NCOR2: variants seen among roughly 807,000 people sequenced by gnomAD.
The protein encoded by NCOR2 is nuclear receptor corepressor 2.
NCOR2 carries 81 observed loss-of-function variants against 262.9 expected under a neutral mutation model. That is an observed-to-expected ratio of 0.31 (90% CI 0.26 to 0.37). The LOEUF (loss-of-function observed/expected upper bound fraction) is 0.37, where lower values mean the gene tolerates loss of function less well. Among genes scored for constraint, NCOR2 ranks in the 10% least tolerant of loss-of-function variants. NCOR2 has a pLI of 1.00. For synonymous variants in NCOR2, 1,659 were observed against 1,559.3 expected (o/e 1.06, Z -1.51); for missense variants, 3,385 against 3,621.4 (o/e 0.93, Z 1.68).
chr12:124,550,358 C>T (rs565485929), intron 1 of NCOR2, among the ~76,000 whole-genome samples: 1 of 152,254 alleles, frequency 6.6e-6, no homozygotes, highest in African/African-American at 2.4e-5. Context: ...GGACCTGAAC[C>T]CAGGTCCCAC....
At chr12:124,480,324 AG>A (rs939167010) in intron 3 of NCOR2, among the ~76,000 whole-genome samples, 2 of 152,172 alleles carry the variant, frequency 1.3e-5, no homozygotes, top group African/African-American at 4.8e-5. Context: ...GGCTACAACA[AG>A]GATTAGGATG....
rs935286975 is a variant in NCOR2 at position 124,503,058 on chromosome 12, C to G, written c.-117-7690G>C. On this transcript the variant is annotated intron_variant, in intron 1 of 46. Transcript: ENST00000404621. The surrounding 1 kb of genome is among the most constrained non-coding windows in gnomAD (Gnocchi z 4.3). ...TGCCGGAGGGGCTGAGGGTCAAATA[C>G]TAAGAGCTCAATCCCGGGTGCCACC... is the stretch of plus-strand genomic sequence containing the variant. Among the ~76,000 whole-genome samples the G allele has an allele frequency of 1.3e-5, 2 of 152,234 alleles. No homozygotes were observed. Among genetic ancestry groups the G allele is most frequent in the African/African-American group, 4.8e-5 (2 of 41,460 alleles).
chr12:124,463,631 G>A (rs2046286844), intron 5 of NCOR2, among the ~76,000 whole-genome samples: 1 of 152,250 alleles, frequency 6.6e-6, no homozygotes, highest in Non-Finnish European at 1.5e-5. Context: ...TTTTCCGGCT[G>A]GCTCGAAAAA....
Position 124,389,650 on chromosome 12 carries a change from G to A in NCOR2, c.1877-3763C>T, listed in dbSNP as rs2041135186. 6.6e-6 allele frequency among the ~76,000 whole-genome samples: 1 copy of A among 152,036 alleles called. No homozygotes were observed. Among genetic ancestry groups the A allele is most frequent in the African/African-American group, 2.4e-5 (1 of 41,376 alleles). ...GCCGAGGCTGACCGAGCCCTCTGTC[G>A]GGGACTGTGGGTGGGCAGGGCTAGC... On this transcript the variant is annotated intron_variant, in intron 16 of 46. Coordinates refer to ENST00000405201, the Ensembl canonical transcript of NCOR2. This position sits in a 1 kb window ranked among gnomAD's most constrained non-coding sequence, Gnocchi z 4.4.
intron 1 of NCOR2, among the ~76,000 whole-genome samples, chr12:124,526,269 C>A (rs2050463187): frequency 6.6e-6 from 1 of 152,142 alleles, no homozygotes; most frequent in Admixed American, 6.5e-5. Flanking sequence ...CAGGGAGAGC[C>A]CCAAACCCCG....
intron 8 of NCOR2, among the ~76,000 whole-genome samples, chr12:124,434,717 A>C (rs1480980921): frequency 1.3e-5 from 2 of 152,188 alleles, no homozygotes; most frequent in African/African-American, 4.8e-5. Context: ...CAGTCATTTT[A>C]GGTGAAAATG....
Position 124,343,274 on chromosome 12 carries a change from A to G in NCOR2, c.4715-48T>C, listed in dbSNP as rs772255196. The G allele has an allele frequency of 4.5e-6, 7 of 1,544,986 alleles. No individual in the cohort carries two copies. In the Admixed American group the frequency reaches 7.6e-5, roughly 17 times the overall value. ...CATCGGGCCTCTGGGGCTGGCATTT[A>G]CGGGGAGTTGTTTGAGGATAGGGAC... On this transcript the variant is annotated intron_variant, in intron 32 of 46. Coordinates refer to ENST00000405201, the Ensembl canonical transcript of NCOR2.
rs1566066757 is a variant in NCOR2, at chr12:124,566,841, C to T, written c.-165+467G>A. Reference sequence around the variant, plus strand: ...CGGCTGGTGAGAGACCCTCATGCGCCCCTCCACAACAGCCAGGCCAGGGAG... The same window carrying T: ...CGGCTGGTGAGAGACCCTCATGCGCTCCTCCACAACAGCCAGGCCAGGGAG... On this transcript the variant is annotated intron_variant, in intron 1 of 32. Coordinates refer to the NCOR2 transcript ENST00000458234. This position sits in a 1 kb window ranked among gnomAD's most constrained non-coding sequence, Gnocchi z 4.3. 6.6e-6 allele frequency among the ~76,000 whole-genome samples: 1 copy of T among 152,196 alleles called. No homozygotes were observed.
chr12:124,349,907 G>A (rs1055235517), intron 28 of NCOR2, among the ~76,000 whole-genome samples: 2 of 152,192 alleles, frequency 1.3e-5, no homozygotes, highest in African/African-American at 4.8e-5. Context: ...CTCTGTGGCA[G>A]CAGGGAGTGC....
intron 2 of NCOR2, among the ~76,000 whole-genome samples, chr12:124,484,905 G>C (rs2047693754): frequency 6.6e-6 from 1 of 152,214 alleles, no homozygotes; most frequent in African/African-American, 2.4e-5. Context: ...AGTGCCTGTA[G>C]ACTGACTGAA....
At chr12:124,430,925 G>A (rs756192757) in intron 8 of NCOR2, 138 bp from the exon 11 acceptor site, 11 of 980,452 alleles carry the variant, frequency 1.1e-5, no homozygotes, top group Non-Finnish European at 1.6e-5. Context: ...CACATATACA[G>A]TCAGATACAG....
intron 7 of NCOR2, among the ~76,000 whole-genome samples, chr12:124,442,869 C>G (rs1454855075): frequency 3.3e-5 from 5 of 152,120 alleles, no homozygotes; most frequent in Non-Finnish European, 5.9e-5. Context: ...GAAATTTGGA[C>G]AAAAAGACAG....
At chr12:124,506,506 T>C (rs2049047040) in intron 1 of NCOR2, among the ~76,000 whole-genome samples, 1 of 151,650 alleles carries the variant, frequency 6.6e-6, no homozygotes, top group Non-Finnish European at 1.5e-5. Context: ...CCATTTAATT[T>C]TAAAAGGAAG....
At position 124,559,438 on chromosome 12, in the gene NCOR2, G is replaced by A. The variant is rs76001506; in HGVS notation, c.-165+7870C>T. Reference sequence around the variant, plus strand: ...TCTTTCACCATCCAAGTCACTCACCGTCATCTTCCCAAGTCGGACCCCAAA... The same window carrying A: ...TCTTTCACCATCCAAGTCACTCACCATCATCTTCCCAAGTCGGACCCCAAA... On this transcript the variant is annotated intron_variant, in intron 1 of 32. Transcript: ENST00000458234. Among the ~76,000 whole-genome samples the A allele has an allele frequency of 0.014, 2,122 of 152,240 alleles. 129 individuals are homozygous for A. In the East Asian group the frequency reaches 0.17, roughly 12 times the overall value.
chr12:124,401,320 C>T (rs1367517600), intron 14 of NCOR2, among the ~76,000 whole-genome samples: 1 of 152,160 alleles, frequency 6.6e-6, no homozygotes, highest in Admixed American at 6.5e-5. Context: ...ATTTTATTCC[C>T]CAAATGGGAG....
chr12:124,343,216 C>T (rs374579887), exon 33 of NCOR2: 42 of 1,607,558 alleles, frequency 2.6e-5, no homozygotes, highest in Middle Eastern at 1.7e-4. Context: ...CCTTGCTGGA[C>T]GAAAGGCTGC....
chr12:124,489,838 G>A (rs115651626), intron 1 of NCOR2, among the ~76,000 whole-genome samples: 7 of 152,150 alleles, frequency 4.6e-5, no homozygotes, highest in East Asian at 1.9e-4. Context: ...GGCTAGATGC[G>A]GGGGGATGTT....
intron 17 of NCOR2, among the ~76,000 whole-genome samples, chr12:124,379,998 G>A (rs1020484123): frequency 6.6e-6 from 1 of 152,222 alleles, no homozygotes; most frequent in African/African-American, 2.4e-5. Context: ...GGTTCCAGAC[G>A]TCTAGCCTCC....
At chr12:124,369,907 G>T (rs558299120) in intron 20 of NCOR2, among the ~76,000 whole-genome samples, 2 of 152,152 alleles carry the variant, frequency 1.3e-5, no homozygotes, top group Admixed American at 6.5e-5. Flanking sequence ...TTCTGGGGAC[G>T]GACAGGATGC....
Sources: allele counts gnomAD v4.1 joint callset (sites outside exome capture counted in the v4.1 genomes callset), GRCh38; gene constraint gnomAD v4.1.1; non-coding constraint Gnocchi (gnomAD v3.1); transcripts MANE v1.5; gene names NCBI Gene and HGNC (gene_info 2026-07-23, HGNC 2026-07-21).